The following ZNF385D variants were observed in gnomAD, a reference collection of about 807,000 sequenced individuals.
The protein encoded by ZNF385D is zinc finger protein 385D, also known as zinc finger protein 659.
A neutral mutation model predicts 35.8 loss-of-function variants in ZNF385D; 15 were observed. The observed-to-expected ratio is 0.42, with a 90% CI of 0.28 to 0.64. ZNF385D has a LOEUF of 0.64. Among genes scored for constraint, ZNF385D ranks in the 30% least tolerant of loss-of-function variants. The pLI is 0.23. For synonymous variants in ZNF385D, 212 were observed against 186.8 expected, an observed-to-expected ratio of 1.13 and a Z score of -1.10; for missense variants, 474 against 494.6, an observed-to-expected ratio of 0.96 and a Z score of 0.39.
chr3:22,084,998 G>C (rs1177942621), intron 3 of ZNF385D, among the ~76,000 whole-genome samples: 2 of 152,096 alleles, frequency 1.3e-5, no homozygotes, highest in African/African-American at 4.8e-5. Context: ...TGAAATGAAG[G>C]CAGAAATAAA....
At chr3:21,652,892 G>C (rs1025060999) in intron 2 of ZNF385D, among the ~76,000 whole-genome samples, 1 of 152,122 alleles carries the variant, frequency 6.6e-6, no homozygotes, top group Admixed American at 6.5e-5. Context: ...GTATTAACGT[G>C]TCTTCATTTT....
At chr3:21,711,529 A>T (rs1455923579) in intron 1 of ZNF385D, among the ~76,000 whole-genome samples, 1 of 152,208 alleles carries the variant, frequency 6.6e-6, no homozygotes, top group African/African-American at 2.4e-5. Flanking sequence ...TGTTAAAAGT[A>T]ATCCAGTTCA....
At chr3:21,957,877 C>A (rs1418506586) in intron 3 of ZNF385D, among the ~76,000 whole-genome samples, 1 of 152,118 alleles carries the variant, frequency 6.6e-6, no homozygotes, top group African/African-American at 2.4e-5. Context: ...CTAGTAAATA[C>A]AATGTCTCAG....
intron 3 of ZNF385D, among the ~76,000 whole-genome samples, chr3:21,863,445 G>A (rs557560056): frequency 3.3e-5 from 5 of 152,170 alleles, no homozygotes; most frequent in East Asian, 1.9e-4. Flanking sequence ...TGCTCATATC[G>A]AAAGTTTGTC....
intron 3 of ZNF385D, among the ~76,000 whole-genome samples, chr3:21,952,761 A>G (rs1702120475): frequency 6.6e-6 from 1 of 151,960 alleles, no homozygotes; most frequent in Admixed American, 6.6e-5. Flanking sequence ...ATAGTATAAA[A>G]ATGTAACTGC....
intron 2 of ZNF385D, among the ~76,000 whole-genome samples, chr3:21,619,491 T>A (rs758771781): frequency 1.1e-4 from 16 of 152,186 alleles, no homozygotes; most frequent in South Asian, 2.1e-4. Context: ...TAGGTATGTC[T>A]GTAGTCTTTA....
chr3:22,081,826 CA>C, intron 3 of ZNF385D, among the ~76,000 whole-genome samples: 1 of 152,060 alleles, frequency 6.6e-6, no homozygotes, highest in Non-Finnish European at 1.5e-5. Flanking sequence ...TCAGCAAAAA[CA>C]AAAATACAAT....
chr3:21,601,365 T>A (rs1348973053), intron 2 of ZNF385D, among the ~76,000 whole-genome samples: 1 of 152,234 alleles, frequency 6.6e-6, no homozygotes, highest in East Asian at 1.9e-4. Context: ...TGAGGCCATT[T>A]GTGCAAATTC....
At chr3:22,282,334 T>C (rs1442613106) in intron 2 of ZNF385D, among the ~76,000 whole-genome samples, 8 of 152,088 alleles carry the variant, frequency 5.3e-5, no homozygotes, top group African/African-American at 1.9e-4. Flanking sequence ...ATTGTCTATT[T>C]GAGCTCTTTC....
intron 3 of ZNF385D, among the ~76,000 whole-genome samples, chr3:22,138,698 T>C (rs1186452310): frequency 6.6e-6 from 1 of 152,024 alleles, no homozygotes; most frequent in Non-Finnish European, 1.5e-5. Flanking sequence ...ATGTTAGACC[T>C]AAAACCATAA....
chr3:21,860,501 C>G (rs1315955544), intron 3 of ZNF385D, among the ~76,000 whole-genome samples: 1 of 117,136 alleles, frequency 8.5e-6, no homozygotes, highest in Non-Finnish European at 1.9e-5. Context: ...TACTTGGCCT[C>G]TTTCATCAGT....
intron 3 of ZNF385D, among the ~76,000 whole-genome samples, chr3:22,004,052 C>CATATAACCAATGGAACAGAAT (rs1696034796): frequency 6.6e-6 from 1 of 151,850 alleles, no homozygotes; most frequent in Admixed American, 6.6e-5. Flanking sequence ...ATATAAAAAC[C>CATATAACCAATGGAACAGAAT]ATATAACCAA....
intron 3 of ZNF385D, among the ~76,000 whole-genome samples, chr3:21,802,676 G>A (rs976308186): frequency 5.3e-5 from 8 of 152,166 alleles, no homozygotes; most frequent in African/African-American, 1.7e-4. Context: ...ACACTCAATA[G>A]AACACTTGTC....
At chr3:21,551,772 A>G (rs944184583) in intron 3 of ZNF385D, among the ~76,000 whole-genome samples, 7 of 152,214 alleles carry the variant, frequency 4.6e-5, no homozygotes, top group African/African-American at 1.7e-4. Flanking sequence ...CTACACCAGG[A>G]AAAGGTAATC....
chr3:22,150,636 G>C (rs987448186), intron 3 of ZNF385D, among the ~76,000 whole-genome samples: 1 of 152,000 alleles, frequency 6.6e-6, no homozygotes, highest in Non-Finnish European at 1.5e-5. Context: ...GTCCACTAAC[G>C]TTAAATTACA....
At chr3:21,494,441 T>A (rs1705668360) in intron 4 of ZNF385D, among the ~76,000 whole-genome samples, 2 of 152,074 alleles carry the variant, frequency 1.3e-5, no homozygotes, top group South Asian at 4.1e-4. Flanking sequence ...GCAGACATGG[T>A]GATATCAGTT....
chr3:22,205,983 A>T (rs2125251408), intron 2 of ZNF385D, among the ~76,000 whole-genome samples: 1 of 152,014 alleles, frequency 6.6e-6, no homozygotes, highest in East Asian at 1.9e-4. Flanking sequence ...ATTCAAAAAG[A>T]CCCAACTCAA....
chr3:22,322,356 G>A (rs1235735467), intron 2 of ZNF385D, among the ~76,000 whole-genome samples: 1 of 151,902 alleles, frequency 6.6e-6, no homozygotes, highest in Non-Finnish European at 1.5e-5. Context: ...TATCTTGGCT[G>A]GATATAGTAA....
At position 21,980,476 on chromosome 3, in the gene ZNF385D, T is replaced by C. The variant is rs138830647; in HGVS notation, c.325+188341A>G. 2.2e-3 allele frequency among the ~76,000 whole-genome samples: 330 copies of C among 152,304 alleles called. 2 individuals are homozygous for C. Among genetic ancestry groups the C allele is most frequent in the African/African-American group, 7.5e-3 (312 of 41,580 alleles). On this transcript the variant is annotated intron_variant, in intron 3 of 5. Coordinates refer to the ZNF385D transcript ENST00000494108. Reference sequence around the variant, plus strand: ...AGCATTGAAGTGAAAAACAGTGTCATATGAACTTATAAAACACAACAACTC... The same window carrying C: ...AGCATTGAAGTGAAAAACAGTGTCACATGAACTTATAAAACACAACAACTC...
Sources: gnomAD v4.1 joint callset for allele counts (sites outside exome capture counted in the v4.1 genomes callset) on GRCh38, gnomAD v4.1.1 for gene constraint, MANE v1.5 for transcripts, NCBI Gene and HGNC (gene_info 2026-07-23, HGNC 2026-07-21) for gene names.